The following CYP7B1 variants were observed in gnomAD, a reference collection of about 807,000 sequenced individuals.
CYP7B1 encodes cytochrome P450 7B1.
A neutral mutation model predicts 42.7 loss-of-function variants in CYP7B1; 29 were observed. That is an observed-to-expected ratio of 0.68 (90% CI 0.51 to 0.93). The LOEUF is 0.93. CYP7B1 is among the 40% of genes least tolerant of loss of function. The probability of loss-of-function intolerance (pLI) is 0.00; values close to 1 mark genes in which losing one functional copy is unlikely to be tolerated. For synonymous variants in CYP7B1, 235 were observed against 218.2 expected, an observed-to-expected ratio of 1.08 and a Z score of -0.68; for missense variants, 655 against 600.5, an observed-to-expected ratio of 1.09 and a Z score of -0.95.
chr8:64,718,055 G>T (rs570921195), intron 1 of CYP7B1, among the ~76,000 whole-genome samples: 189 of 151,390 alleles, frequency 1.2e-3, no homozygotes, highest in Non-Finnish European at 2.0e-3. Context: ...TAATGATCAT[G>T]GTTGTATAAG....
chr8:64,721,347 A>T (rs1041164130), intron 1 of CYP7B1, among the ~76,000 whole-genome samples: 1 of 152,160 alleles, frequency 6.6e-6, no homozygotes, highest in Non-Finnish European at 1.5e-5. Flanking sequence ...GATCATATAG[A>T]TATCATTTTT....
chr8:64,798,538 A>G lies in CYP7B1; in HGVS notation c.50T>C (p.Leu17Ser). 6.7e-7 allele frequency: 1 copy of G among 1,498,046 alleles called. No homozygotes were observed. Among genetic ancestry groups the G allele is most frequent in the South Asian group, 1.2e-5 (1 of 80,272 alleles). 92.8% of individuals were successfully genotyped at this position (1,498,046 alleles called of 1,614,324 possible). A position where few individuals can be genotyped will look rare whatever the true frequency, so the allele number is the denominator to read the frequency against. ...GGCGAGGGCCAGGCCCGGGAGGCCC[A>G]ACCGCTCCAGCGAAAAGCGGCCCGT... is the stretch of plus-strand genomic sequence containing the variant. ...AATGRFSLERLGLPGLALAAA... is the reference protein window; with the variant it reads ...AATGRFSLERSGLPGLALAAA... The change falls in exon 1 of 6, where the codon TTG (leucine) becomes TCG (serine). Residue 17 changes from leucine to serine, a missense_variant. Physicochemically the swap from Leu to Ser is moderately radical, Grantham distance 145. Transcript: ENST00000310193.
At chr8:64,792,771 T>A (rs1278178142) in intron 1 of CYP7B1, among the ~76,000 whole-genome samples, 1 of 152,110 alleles carries the variant, frequency 6.6e-6, no homozygotes, top group Non-Finnish European at 1.5e-5. Flanking sequence ...GATGATGAGA[T>A]CTGGAACTCT....
At chr8:64,628,192 C>T (rs1392318324) in intron 1 of CYP7B1, among the ~76,000 whole-genome samples, 1 of 152,190 alleles carries the variant, frequency 6.6e-6, no homozygotes, top group African/African-American at 2.4e-5. Context: ...AAGAACACAT[C>T]TAAGACATCA....
intron 1 of CYP7B1, among the ~76,000 whole-genome samples, chr8:64,646,014 G>A (rs1254083415): frequency 6.6e-6 from 1 of 152,130 alleles, no homozygotes; most frequent in African/African-American, 2.4e-5. Context: ...AGCTGAAACT[G>A]GATCCCTTCC....
At chr8:64,709,395 C>T (rs1213007905) in intron 1 of CYP7B1, among the ~76,000 whole-genome samples, 9 of 152,104 alleles carry the variant, frequency 5.9e-5, no homozygotes, top group Admixed American at 6.6e-5. Flanking sequence ...ATTCTCCCCA[C>T]TGCATAAAAA....
chr8:64,743,106 A>T (rs1807593457), intron 1 of CYP7B1, among the ~76,000 whole-genome samples: 1 of 152,188 alleles, frequency 6.6e-6, no homozygotes, highest in Non-Finnish European at 1.5e-5. Flanking sequence ...TGCCTTCCTA[A>T]GATCAGAAGT....
At chr8:64,685,464 G>A (rs950898127) in intron 1 of CYP7B1, among the ~76,000 whole-genome samples, 7 of 59,340 alleles carry the variant, frequency 1.2e-4, no homozygotes, top group Admixed American at 4.8e-4. Flanking sequence ...AGTGAGGAGC[G>A]TCTCTGCCCG....
At chr8:64,793,554 T>C (rs1033890259) in intron 1 of CYP7B1, among the ~76,000 whole-genome samples, 9 of 152,122 alleles carry the variant, frequency 5.9e-5, no homozygotes, top group African/African-American at 9.7e-5. Flanking sequence ...ATATATCTCA[T>C]TATTGGACAA....
chr8:64,680,410 C>T (rs1347955010), intron 1 of CYP7B1, among the ~76,000 whole-genome samples: 1 of 152,124 alleles, frequency 6.6e-6, no homozygotes, highest in Admixed American at 6.5e-5. Context: ...GAAAACGCAA[C>T]AGTCCCTACC....
At chr8:64,715,581 AT>A (rs914992406) in intron 1 of CYP7B1, among the ~76,000 whole-genome samples, 10 of 151,956 alleles carry the variant, frequency 6.6e-5, no homozygotes, top group East Asian at 3.9e-4. Flanking sequence ...TCTTACCTCT[AT>A]TTTTTTTCCG....
intron 1 of CYP7B1, among the ~76,000 whole-genome samples, chr8:64,751,914 C>T (rs887040307): frequency 6.6e-6 from 1 of 152,218 alleles, no homozygotes; most frequent in African/African-American, 2.4e-5. Context: ...CATAGCACCA[C>T]ATAGGCACCC....
chr8:64,720,710 C>T (rs541090616), intron 1 of CYP7B1, among the ~76,000 whole-genome samples: 19 of 152,198 alleles, frequency 1.2e-4, no homozygotes, highest in African/African-American at 4.3e-4. Flanking sequence ...TTAAAAGACA[C>T]ATTAGTTCAA....
At position 64,624,398 on chromosome 8, in the gene CYP7B1, CT is replaced by C; in HGVS notation, c.259+4del. 1 of 1,613,616 alleles carries C rather than the reference CT, an allele frequency of 6.2e-7. No homozygotes were observed. Among genetic ancestry groups the C allele is most frequent in the Non-Finnish European group, 8.5e-7 (1 of 1,179,832 alleles). On this transcript the variant is annotated splice_donor_region_variant and intron_variant, in intron 2 of 5. Coordinates refer to ENST00000310193, the MANE Select transcript of CYP7B1 (RefSeq NM_004820.5). Reference sequence around the variant, plus strand: ...ATATAAGGTATTAATAGAAGTGCTTCTTACCACCAAGAAGAACTGTGAAAGT... The same window carrying C: ...ATATAAGGTATTAATAGAAGTGCTTCTACCACCAAGAAGAACTGTGAAAGT...
At chr8:64,650,078 T>C (rs189659187) in intron 1 of CYP7B1, among the ~76,000 whole-genome samples, 119 of 152,312 alleles carry the variant, frequency 7.8e-4, no homozygotes, top group African/African-American at 2.7e-3. Flanking sequence ...TGTCTGTTTT[T>C]TTATTTTGTT....
intron 1 of CYP7B1, among the ~76,000 whole-genome samples, chr8:64,643,164 CATATATACATATATATACATATATATAT>C (rs1563374372): frequency 5.1e-5 from 6 of 117,756 alleles, no homozygotes; most frequent in South Asian, 2.7e-4. Flanking sequence ...CATATATACA[CATATATACATATATATACATATATATAT>C]ACACACACAC....
At chr8:64,675,425 ACATTT>A (rs1806431369) in intron 1 of CYP7B1, among the ~76,000 whole-genome samples, 1 of 151,124 alleles carries the variant, frequency 6.6e-6, no homozygotes, top group African/African-American at 2.4e-5. Context: ...TGGTAAATAC[ACATTT>A]CAGTTCATGC....
intron 1 of CYP7B1, among the ~76,000 whole-genome samples, chr8:64,631,157 A>G (rs745455709): frequency 3.9e-5 from 6 of 152,194 alleles, no homozygotes; most frequent in Non-Finnish European, 7.4e-5. Context: ...TTGCAGACCA[A>G]TACCTCTTAT....
chr8:64,615,252 A>G lies in CYP7B1; in HGVS notation c.851-20T>C. 1 of 1,600,250 alleles carries G rather than the reference A, an allele frequency of 6.2e-7. No homozygotes were observed. Among genetic ancestry groups the G allele is most frequent in the African/African-American group, 1.3e-5 (1 of 74,782 alleles). On this transcript the variant is annotated intron_variant, in intron 3 of 5. Transcript: ENST00000310193. Reference sequence around the variant, plus strand: ...GATGTGCTGGGAGAAAATAAGTGAAAAGGAAGATTAATAGCGTTTATTACA... The same window carrying G: ...GATGTGCTGGGAGAAAATAAGTGAAGAGGAAGATTAATAGCGTTTATTACA...
Sources: gnomAD v4.1 joint callset for allele counts (sites outside exome capture counted in the v4.1 genomes callset) on GRCh38, gnomAD v4.1.1 for gene constraint, MANE v1.5 for transcripts, NCBI Gene and HGNC (gene_info 2026-07-23, HGNC 2026-07-21) for gene names.